Variants in AP2A2 observed in about 807,000 individuals in gnomAD.
AP2A2 encodes AP-2 complex subunit alpha-2.
In AP2A2, 32 loss-of-function variants were observed where a neutral mutation model predicts 104.2. The ratio of observed to expected loss-of-function variants is 0.31; its 90% CI spans 0.23 to 0.41. The LOEUF is 0.41. Ranked by LOEUF, AP2A2 falls within the 10% of genes least tolerant of loss-of-function variation. The probability of loss-of-function intolerance (pLI) is 1.00; values close to 1 mark genes in which losing one functional copy is unlikely to be tolerated. For missense variants in AP2A2, 912 were observed against 1,261.0 expected (o/e 0.72, Z 4.19); for synonymous variants, 539 against 533.3 (o/e 1.01, Z -0.15).
At chr11:969,431 G>T (rs1024001107) in intron 2 of AP2A2, among the ~76,000 whole-genome samples, 1 of 151,976 alleles carries the variant, frequency 6.6e-6, no homozygotes, top group Admixed American at 6.6e-5. Context: ...GTTTCTCCAT[G>T]TTGAGGCTGG....
At chr11:977,961 C>T (rs1855107142) in intron 5 of AP2A2, among the ~76,000 whole-genome samples, 1 of 152,166 alleles carries the variant, frequency 6.6e-6, no homozygotes, top group South Asian at 2.1e-4. Context: ...GGGAGCCTTT[C>T]AGACGGTGCT....
chr11:943,950 G>T (rs1306855436), intron 1 of AP2A2, among the ~76,000 whole-genome samples: 1 of 149,426 alleles, frequency 6.7e-6, no homozygotes, highest in African/African-American at 2.5e-5. Flanking sequence ...GCAGGTGGCA[G>T]CGGAGATGGC....
At chr11:997,939 A>G (rs1855907191) in intron 14 of AP2A2, among the ~76,000 whole-genome samples, 1 of 152,216 alleles carries the variant, frequency 6.6e-6, no homozygotes, top group Non-Finnish European at 1.5e-5. Context: ...AAAGCCATAG[A>G]TGTATTTGAA....
rs568329862 is a variant in AP2A2, at chr11:984,553, G to A, written c.706-92G>A. 11 of 1,063,664 alleles carry A rather than the reference G, an allele frequency of 1.0e-5. No individual in the cohort carries two copies. The Middle Eastern group carries it at 6.8e-4, about 66-fold the overall frequency. The allele number at this position is 1,063,664 out of a possible 1,614,324, so 65.9% of individuals were successfully genotyped here. ...ACAAAACCATTTTTCCAGCTCAGGC[G>A]TGACCCGAGGAGTGAGTATGGCTTT... is the stretch of plus-strand genomic sequence containing the variant. On this transcript the variant is annotated intron_variant, in intron 6 of 21. Coordinates refer to ENST00000448903, the MANE Select transcript of AP2A2 (RefSeq NM_012305.4).
rs1251668421 is a variant in AP2A2 at position 1,000,478 on chromosome 11, C to A, written c.2003C>A (p.Pro668His). The change falls in exon 15 of 22, where the codon CCC becomes CAC. Residue 668 changes from proline (P) to histidine (H), a missense_variant. This residue lies in a region of AP2A2 where 105 missense variants were observed against 90.9 expected (regional missense o/e 1.16). Transcript: ENST00000448903. Reference sequence around the variant, plus strand: ...GACCTGCTGGGTCTCGGGGCTGCCCCCCCTGCCCCCGCGGGCCCCCCACCC... The same window carrying A: ...GACCTGCTGGGTCTCGGGGCTGCCCACCCTGCCCCCGCGGGCCCCCCACCC... Reference protein sequence around the residue: ...SADLLGLGAAPPAPAGPPPSS... With the variant: ...SADLLGLGAAHPAPAGPPPSS... The A allele has an allele frequency of 1.7e-5, 26 of 1,540,308 alleles. No homozygotes were observed. Among genetic ancestry groups the A allele is most frequent in the Non-Finnish European group, 2.1e-5 (24 of 1,147,100 alleles).
chr11:992,723 G>A lies in AP2A2; in HGVS notation c.1452+38G>A, dbSNP rs780479529. 1.2e-4 allele frequency: 198 copies of A among 1,611,306 alleles called. No individual in the cohort carries two copies. Among genetic ancestry groups the A allele is most frequent in the Middle Eastern group, 6.9e-4 (4 of 5,812 alleles). On this transcript the variant is annotated intron_variant, in intron 11 of 21. Transcript: ENST00000448903. The surrounding 1 kb of genome is among the most constrained non-coding windows in gnomAD (Gnocchi z 6.4). ...GGATGGCAGGAAGGATGGGGTGGAG[G>A]GCAGTTGCAGAAGGTGAGCAGTGAG...
chr11:1,008,943 CCA>C (rs1856304593), intron 18 of AP2A2, 155 bp from the exon 19 acceptor site: 1 of 626,170 alleles, frequency 1.6e-6, no homozygotes, highest in Admixed American at 2.7e-5. Context: ...GGACACTGAG[CCA>C]CACACGATCC....
intron 1 of AP2A2, among the ~76,000 whole-genome samples, chr11:949,524 C>T (rs1853965907): frequency 1.3e-5 from 2 of 152,156 alleles, no homozygotes; most frequent in African/African-American, 4.8e-5. Context: ...CACCTGTAAT[C>T]CCAGCACTTT....
intron 2 of AP2A2, among the ~76,000 whole-genome samples, chr11:965,651 C>T (rs2134594135): frequency 6.6e-6 from 1 of 152,314 alleles, no homozygotes; most frequent in Admixed American, 6.5e-5. Context: ...CAGGCCCGTC[C>T]AGATCTGACG....
chr11:952,800 T>G (rs915775743), intron 1 of AP2A2, among the ~76,000 whole-genome samples: 15 of 152,208 alleles, frequency 9.9e-5, no homozygotes, highest in African/African-American at 3.1e-4. Flanking sequence ...TCCTCCCCGC[T>G]TCTCCTCAAG....
rs746665248 is a variant in AP2A2, at chr11:977,161, C to T, written c.540C>T (p.Pro180=). The T allele has an allele frequency of 1.0e-4, 162 of 1,613,292 alleles. No individual in the cohort carries two copies. Among genetic ancestry groups the T allele is most frequent in the Admixed American group, 5.7e-4 (34 of 59,960 alleles). ...LCLLRLYRTS[P]DLVPMGDWTS... is the part of the protein sequence containing the mutation. ...TGCTGCGCCTGTACAGGACGTCCCC[C>T]GATCTTGTCCCCATGGGCGACTGGA... The change falls in exon 5 of 22, where the codon CCC becomes CCT. Residue 180 remains proline (P), a synonymous_variant. Coordinates refer to ENST00000448903, the MANE Select transcript of AP2A2 (RefSeq NM_012305.4).
intron 5 of AP2A2, among the ~76,000 whole-genome samples, chr11:978,822 G>A (rs1855140623): frequency 6.6e-6 from 1 of 152,196 alleles, no homozygotes; most frequent in East Asian, 1.9e-4. Context: ...TTGTGGAGTG[G>A]GACAGGAAGC....
intron 15 of AP2A2, among the ~76,000 whole-genome samples, chr11:1,002,142 C>T (rs532953417): frequency 2.0e-5 from 3 of 152,344 alleles, no homozygotes; most frequent in East Asian, 1.9e-4. Context: ...CTCTCTGTCA[C>T]GTCATGGGTG....
chr11:939,912 A>G (rs1853586859), intron 1 of AP2A2, among the ~76,000 whole-genome samples: 1 of 137,620 alleles, frequency 7.3e-6, no homozygotes, highest in South Asian at 2.3e-4. Context: ...TCAGTTTTTA[A>G]TTTTTTTGAA....
At chr11:943,269 A>C (rs1043656200) in intron 1 of AP2A2, 2 of 151,740 alleles carry the variant, frequency 1.3e-5, no homozygotes, top group African/African-American at 4.9e-5. Context: ...TCACAACTCT[A>C]AGAGGGTCCA....
chr11:972,032 C>T, intron 3 of AP2A2, 30 bp from the exon 4 acceptor site: 1 of 1,589,790 alleles, frequency 6.3e-7, no homozygotes, highest in Non-Finnish European at 8.6e-7. Context: ...TTGTCATGAG[C>T]TTTCTCTTCT....
At chr11:983,563 T>C (rs1271210147) in intron 6 of AP2A2, among the ~76,000 whole-genome samples, 4 of 151,818 alleles carry the variant, frequency 2.6e-5, no homozygotes, top group South Asian at 2.1e-4. Context: ...TTTGTATTTT[T>C]TAGTAGAGAT....
chr11:1,001,940 G>T (rs1008944222), intron 15 of AP2A2, among the ~76,000 whole-genome samples: 1 of 152,198 alleles, frequency 6.6e-6, no homozygotes, highest in Non-Finnish European at 1.5e-5. Context: ...AGGTGTCTGC[G>T]TGTGTTTGGT....
chr11:974,945 A>G lies in AP2A2; in HGVS notation c.474-2150A>G, dbSNP rs142824081. On this transcript the variant is annotated intron_variant, in intron 4 of 21. Transcript: ENST00000448903. The stretch of plus-strand genomic sequence containing the variant: ...GGTTGCAGTGAGCCGAGATTGCTCC[A>G]CTGTACTCCAGCCTGGCGAAAGAGC... Among the ~76,000 whole-genome samples, 95 of 152,326 alleles carry G rather than the reference A, an allele frequency of 6.2e-4. 2 individuals are homozygous for G. In the East Asian group the frequency reaches 0.016, roughly 26 times the overall value.
Sources: gnomAD v4.1 joint callset for allele counts (sites outside exome capture counted in the v4.1 genomes callset) on GRCh38, gnomAD v4.1.1 for gene constraint, gnomAD v4.1.1 regional missense constraint, Gnocchi (gnomAD v3.1) non-coding constraint, MANE v1.5 for transcripts, NCBI Gene and HGNC (gene_info 2026-07-23, HGNC 2026-07-21) for gene names.